Variants in AMMECR1 observed in about 807,000 individuals in gnomAD.
AMMECR1 encodes AMMECR nuclear protein 1.
In AMMECR1, 3 loss-of-function variants were observed where a neutral mutation model predicts 22.5. The observed-to-expected ratio is 0.13, with a 90% CI of 0.06 to 0.35. AMMECR1 has a LOEUF of 0.35. Among genes scored for constraint, AMMECR1 ranks in the 10% least tolerant of loss-of-function variants. The probability of loss-of-function intolerance (pLI) is 1.00; values close to 1 mark genes in which losing one functional copy is unlikely to be tolerated. For missense variants in AMMECR1, 235 were observed against 278.7 expected (o/e 0.84, Z 1.12); for synonymous variants, 130 against 116.7 (o/e 1.11, Z -0.74).
chrX:110,206,501 G>A (rs1393036685), intron 3 of AMMECR1, among the ~76,000 whole-genome samples: 1 of 112,119 alleles, frequency 8.9e-6, no homozygotes, highest in Non-Finnish European at 1.9e-5. Flanking sequence ...TCCACAAGCA[G>A]CACTACAAAA....
chrX:110,211,166 A>C (rs2067445946), intron 3 of AMMECR1, among the ~76,000 whole-genome samples: 1 of 112,712 alleles, frequency 8.9e-6, no homozygotes, highest in Admixed American at 9.4e-5. Flanking sequence ...TTTTTACTTC[A>C]TGCCTTCAAG....
intron 2 of AMMECR1, among the ~76,000 whole-genome samples, chrX:110,378,360 G>T (rs1288661629): frequency 9.0e-6 from 1 of 110,992 alleles, no homozygotes; most frequent in Non-Finnish European, 1.9e-5. Flanking sequence ...TGACTGTTGC[G>T]ATAGCCTCCT....
At chrX:110,220,488 T>A (rs2067494921) in intron 2 of AMMECR1, among the ~76,000 whole-genome samples, 1 of 111,874 alleles carries the variant, frequency 8.9e-6, no homozygotes, top group Admixed American at 9.5e-5. Flanking sequence ...TCTGCCAATT[T>A]AAATTCTAGG....
chrX:110,207,770 T>C (rs1313784096), intron 3 of AMMECR1, among the ~76,000 whole-genome samples: 2 of 112,052 alleles, frequency 1.8e-5, no homozygotes, highest in Non-Finnish European at 3.8e-5. Context: ...TTTACTCTTG[T>C]AAACCTTAGA....
rs1201646082 is a variant in AMMECR1 at position 110,236,807 on chromosome X, T to G, written c.585-20175A>C. On this transcript the variant is annotated intron_variant, in intron 2 of 5. Transcript: ENST00000262844. ...CCTTTTAAACTGTTCCACTGAAGTG[T>G]GTCTTCCCCTGTTTTTATTTATTTA... 3.6e-5 allele frequency among the ~76,000 whole-genome samples: 4 copies of G among 112,530 alleles called. No homozygotes were observed. In the Admixed American group the frequency reaches 3.8e-4, roughly 11 times the overall value.
chrX:110,404,908 T>G (rs1440711033), intron 2 of AMMECR1, among the ~76,000 whole-genome samples: 1 of 111,684 alleles, frequency 9.0e-6, no homozygotes. Context: ...AAAATACACA[T>G]AGTAGCATTT....
intron 2 of AMMECR1, among the ~76,000 whole-genome samples, chrX:110,417,742 T>C (rs965174363): frequency 2.7e-5 from 3 of 112,454 alleles, no homozygotes; most frequent in Non-Finnish European, 5.6e-5. Flanking sequence ...CAAAAAACAC[T>C]TACTGAGCTC....
At chrX:110,244,494 C>T (rs983439956) in intron 2 of AMMECR1, among the ~76,000 whole-genome samples, 1 of 111,912 alleles carries the variant, frequency 8.9e-6, no homozygotes, top group Non-Finnish European at 1.9e-5. Context: ...CATAGAGGTT[C>T]GGCTTACATG....
chrX:110,329,620 G>C (rs2068112581), intron 2 of AMMECR1, among the ~76,000 whole-genome samples: 1 of 111,544 alleles, frequency 9.0e-6, no homozygotes, highest in Admixed American at 9.5e-5. Flanking sequence ...CTATATTAAT[G>C]GTATGTCATT....
rs1414529317 is a variant in AMMECR1, at chrX:110,384,379, A to G, written c.-148+42279T>C. Among the ~76,000 whole-genome samples, 3 of 111,254 alleles carry G rather than the reference A, an allele frequency of 2.7e-5. No individual in the cohort carries two copies. The East Asian group carries it at 8.4e-4, about 31-fold the overall frequency. The stretch of plus-strand genomic sequence containing the variant: ...AATCTTCCTGAGCCTCAGTTTCCTC[A>G]TCTATAAAATGAGGATGATAATAAG... On this transcript the variant is annotated intron_variant, in intron 2 of 7. Transcript: ENST00000372057.
chrX:110,216,924 G>A (rs929682501), intron 2 of AMMECR1, among the ~76,000 whole-genome samples: 7 of 110,587 alleles, frequency 6.3e-5, no homozygotes, highest in Non-Finnish European at 1.3e-4. Flanking sequence ...CCTGCTACTT[G>A]TAGAATCTAA....
At position 110,198,497 on chromosome X, in the gene AMMECR1, G is replaced by A. The variant is rs373583522; in HGVS notation, c.*23C>T. The A allele has an allele frequency of 4.7e-6, 5 of 1,069,965 alleles. No individual in the cohort carries two copies. In the African/African-American group the frequency reaches 7.5e-5, roughly 16 times the overall value. 88.2% of individuals were successfully genotyped at this position (1,069,965 alleles called of 1,213,427 possible). A position where few individuals can be genotyped will look rare whatever the true frequency, so the allele number is the denominator to read the frequency against. On this transcript the variant is annotated 3_prime_UTR_variant, in exon 6 of 6. Transcript: ENST00000262844. ...GGGAAGAGGTCTGCAGAGAGGCCCA[G>A]TGACTGGTTGTGCGGCTCAGTGTCA...
At chrX:110,371,515 C>T (rs1223427971) in intron 2 of AMMECR1, among the ~76,000 whole-genome samples, 6 of 111,173 alleles carry the variant, frequency 5.4e-5, no homozygotes, top group African/African-American at 2.0e-4. Flanking sequence ...ACCCATTGAC[C>T]ATCCCCAACT....
At chrX:110,211,882 T>C (rs1484278960) in intron 3 of AMMECR1, among the ~76,000 whole-genome samples, 2 of 112,029 alleles carry the variant, frequency 1.8e-5, no homozygotes, top group African/African-American at 3.2e-5. Flanking sequence ...ATGGCTGTTA[T>C]TTTTAATGAC....
In AMMECR1 at chrX:110,266,736, C is replaced by T. The variant is rs143738486; in HGVS notation, c.474-2137G>A. Among the ~76,000 whole-genome samples, 35 of 108,168 alleles carry T rather than the reference C, an allele frequency of 3.2e-4. No individual in the cohort carries two copies. In the East Asian group the frequency reaches 8.3e-3, roughly 26 times the overall value. The allele number at this position is 108,168 out of a possible 115,157, so 93.9% of individuals were successfully genotyped here. A position where few individuals can be genotyped will look rare whatever the true frequency, so the allele number is the denominator to read the frequency against. On this transcript the variant is annotated intron_variant, in intron 1 of 5. Transcript: ENST00000262844. ...TAAGTTCTGGGGTACATGTGCAGAA[C>T]GCACAGTTTTGTTACATTAGGTATA...
chrX:110,359,376 T>C (rs1449959070), intron 2 of AMMECR1, among the ~76,000 whole-genome samples: 1 of 111,753 alleles, frequency 8.9e-6, no homozygotes, highest in Non-Finnish European at 1.9e-5. Context: ...CTGCCTCTTT[T>C]GGCATTACTC....
At chrX:110,356,011 G>A (rs948406011) in intron 2 of AMMECR1, among the ~76,000 whole-genome samples, 4 of 111,191 alleles carry the variant, frequency 3.6e-5, no homozygotes, top group Admixed American at 9.6e-5. Context: ...GATCTCCTAC[G>A]TGAAATCTTA....
chrX:110,367,401 A>G (rs1388698479), intron 2 of AMMECR1, among the ~76,000 whole-genome samples: 1 of 111,537 alleles, frequency 9.0e-6, no homozygotes, highest in Non-Finnish European at 1.9e-5. Flanking sequence ...CAAGGTCAAC[A>G]ATATCTCCTC....
chrX:110,396,937 C>A (rs1324600332), intron 2 of AMMECR1, among the ~76,000 whole-genome samples: 1 of 111,940 alleles, frequency 8.9e-6, no homozygotes, highest in Non-Finnish European at 1.9e-5. Flanking sequence ...TGGATTGCAA[C>A]AATCACCTAC....
Sources: gnomAD v4.1 joint callset for allele counts (sites outside exome capture counted in the v4.1 genomes callset) on GRCh38, gnomAD v4.1.1 for gene constraint, MANE v1.5 for transcripts, NCBI Gene and HGNC (gene_info 2026-07-23, HGNC 2026-07-21) for gene names.